Variants in FXYD1 observed in about 807,000 individuals in gnomAD.
FXYD1 encodes phospholemman.
FXYD1 carries 9 observed loss-of-function variants against 17.2 expected under a neutral mutation model. That is an observed-to-expected ratio of 0.52 (90% CI 0.32 to 0.91). The LOEUF (loss-of-function observed/expected upper bound fraction) is 0.91, where lower values mean the gene tolerates loss of function less well. Ranked by LOEUF, FXYD1 falls within the 40% of genes least tolerant of loss-of-function variation. FXYD1 has a pLI of 0.04. For synonymous variants in FXYD1, 55 were observed against 45.8 expected, an observed-to-expected ratio of 1.20 and a Z score of -0.81; for missense variants, 113 against 120.6, an observed-to-expected ratio of 0.94 and a Z score of 0.29.
chr19:35,140,072 C>A lies in FXYD1; in HGVS notation c.-4-4C>A, dbSNP rs775773700. Reference sequence around the variant, plus strand: ...CACTGCCTAATCCGTGGTGTCCCCCCCAGGACAATGGCGTCTCTTGGCCAC... The same window carrying A: ...CACTGCCTAATCCGTGGTGTCCCCCACAGGACAATGGCGTCTCTTGGCCAC... On this transcript the variant is annotated splice_polypyrimidine_tract_variant and splice_region_variant and intron_variant, in intron 1 of 7. Transcript: ENST00000351325. The A allele has an allele frequency of 1.2e-6, 2 of 1,612,788 alleles. No individual in the cohort carries two copies. Among genetic ancestry groups the A allele is most frequent in the East Asian group, 4.5e-5 (2 of 44,878 alleles).
chr19:35,142,245 C>T (rs2065263289), intron 5 of FXYD1: 2 of 467,044 alleles, frequency 4.3e-6, no homozygotes, highest in South Asian at 3.8e-5. Context: ...CACATCCCTG[C>T]CCCCAAATCC....
rs1422159120 is a variant in FXYD1, at chr19:35,141,516, C to T, written c.170-20C>T. 6.2e-7 allele frequency: 1 copy of T among 1,605,740 alleles called. No individual in the cohort carries two copies. Among genetic ancestry groups the T allele is most frequent in the Non-Finnish European group, 8.5e-7 (1 of 1,175,832 alleles). ...CGCCGGGAGGGAGCCTCAGCTTCTC[C>T]TACCTCTCCACGCCCACAGGCAGAA... On this transcript the variant is annotated intron_variant, in intron 4 of 7. Coordinates refer to ENST00000351325, the MANE Select transcript of FXYD1 (RefSeq NM_021902.4).
rs1219168734 is a variant in FXYD1, at chr19:35,140,636, G to T, written c.94+7G>T. 6.2e-7 allele frequency: 1 copy of T among 1,612,030 alleles called. No individual in the cohort carries two copies. Among genetic ancestry groups the T allele is most frequent in the South Asian group, 1.1e-5 (1 of 90,968 alleles). ...CACGACCCGTTCACTTACGGTGAGC[G>T]GGGGGTCTAATTTTGAGTCCTGGGG... On this transcript the variant is annotated splice_region_variant and intron_variant, in intron 3 of 7. Transcript: ENST00000351325.
At chr19:35,142,356 T>C in intron 5 of FXYD1, 116 bp from the exon 6 acceptor site, 1 of 770,356 alleles carries the variant, frequency 1.3e-6, no homozygotes, top group Non-Finnish European at 2.2e-6. Flanking sequence ...CTGCTCTTCG[T>C]CCATATCTGG....
intron 4 of FXYD1, 102 bp from the exon 5 acceptor site, chr19:35,141,434 T>C: frequency 2.5e-6 from 2 of 812,504 alleles, no homozygotes; most frequent in Non-Finnish European, 3.9e-6. Context: ...CCCCGCCCCG[T>C]CCCCCAAGCC....
intron 2 of FXYD1, among the ~76,000 whole-genome samples, 166 bp from the exon 3 acceptor site, chr19:35,140,431 C>G (rs918870378): frequency 1.3e-5 from 2 of 152,104 alleles, no homozygotes; most frequent in East Asian, 3.9e-4. Flanking sequence ...CCTGCCCCAT[C>G]TGGGACAGTG....
chr19:35,140,287 G>A (rs2145381471), intron 2 of FXYD1, 147 bp downstream of exon 2: 1 of 659,214 alleles, frequency 1.5e-6, no homozygotes, highest in East Asian at 2.6e-5. Flanking sequence ...CCAGTCACAG[G>A]CTGGTATTTG....
chr19:35,140,600 G>A lies in FXYD1; in HGVS notation c.65G>A (p.Ser22Asn). The change falls in exon 3 of 8, where the codon AGT becomes AAT. Residue 22 changes from serine to asparagine, a missense_variant. Transcript: ENST00000351325. ...VGLLTMAKAE[S>N]PKEHDPFTYD... is the part of the protein sequence containing the mutation. The stretch of plus-strand genomic sequence containing the variant: ...CCTGATTTCTCTCTCTTTCCAGAAA[G>A]TCCAAAGGAACACGACCCGTTCACT... 6.2e-7 allele frequency: 1 copy of A among 1,613,536 alleles called. No homozygotes were observed. Among genetic ancestry groups the A allele is most frequent in the Non-Finnish European group, 8.5e-7 (1 of 1,179,778 alleles).
chr19:35,140,576 C>G, intron 2 of FXYD1, 21 bp from the exon 3 acceptor site: 1 of 1,612,710 alleles, frequency 6.2e-7, no homozygotes, highest in South Asian at 1.1e-5. Context: ...CATTCAACCC[C>G]TGATTTCTCT....
intron 5 of FXYD1, chr19:35,142,251 A>G (rs932333114): frequency 1.8e-5 from 8 of 434,412 alleles, no homozygotes; most frequent in Middle Eastern, 3.9e-4. Context: ...CCTGCCCCCA[A>G]ATCCGCGGAG....
At chr19:35,142,569 A>G (rs775415071) in intron 6 of FXYD1, 48 bp downstream of exon 6, 22 of 1,586,828 alleles carry the variant, frequency 1.4e-5, no homozygotes, top group Non-Finnish European at 1.9e-5. Context: ...GCTGGTTCCA[A>G]GGACCGCTTT....
intron 3 of FXYD1, 185 bp downstream of exon 3, chr19:35,140,814 T>C: frequency 3.3e-6 from 2 of 608,818 alleles, no homozygotes; most frequent in Middle Eastern, 2.8e-4. Context: ...TCTGTGTCAC[T>C]GTCTATGTGA....
chr19:35,140,358 G>A (rs1235257461), intron 2 of FXYD1, among the ~76,000 whole-genome samples: 1 of 152,126 alleles, frequency 6.6e-6, no homozygotes, highest in Admixed American at 6.5e-5. Context: ...CTGAATCCCC[G>A]ATGGGATAAC....
chr19:35,141,554 A>G lies in FXYD1; in HGVS notation c.188A>G (p.Lys63Arg). Residue 63 changes from lysine to arginine, a missense_variant, in exon 5 of 8, where the codon AAG becomes AGG. By Grantham distance (26) the Lys-to-Arg change is conservative. Coordinates refer to ENST00000351325, the MANE Select transcript of FXYD1 (RefSeq NM_021902.4). ...LIVLSRRCRC[K>R]FNQQQRTGEP... is the part of the protein sequence containing the mutation. ...CCCACAGGCAGAAGATGCCGGTGCA[A>G]GTTCAACCAGCAGCAGAGGTAAGAC... is the stretch of plus-strand genomic sequence containing the variant. 6.2e-7 allele frequency: 1 copy of G among 1,610,680 alleles called. No individual in the cohort carries two copies. Among genetic ancestry groups the G allele is most frequent in the South Asian group, 1.1e-5 (1 of 90,696 alleles).
chr19:35,139,110 C>T (rs1336448116), intron 1 of FXYD1: 2 of 152,386 alleles, frequency 1.3e-5, no homozygotes, highest in African/African-American at 4.8e-5. Flanking sequence ...GGAGTTGGGA[C>T]ACACACGTGT....
intron 1 of FXYD1, chr19:35,139,558 T>C (rs2065230897): frequency 1.3e-5 from 2 of 156,374 alleles, no homozygotes; most frequent in Non-Finnish European, 2.8e-5. Flanking sequence ...GCTGTTGCCA[T>C]GGTGGCCTGA....
rs369430419 is a variant in FXYD1 at position 35,142,750 on chromosome 19, T to A, written c.*8T>A. The A allele has an allele frequency of 6.2e-7, 1 of 1,612,504 alleles. No homozygotes were observed. The highest frequency in any genetic ancestry group is 1.1e-5 in the South Asian group (1 of 90,938). On this transcript the variant is annotated 3_prime_UTR_variant, in exon 7 of 8. Transcript: ENST00000351325. The stretch of plus-strand genomic sequence containing the variant: ...TCCACCCGCAGGCGGTAGAAACACC[T>A]GGAGCGATGGAATCCGGCCAGGTGC...
chr19:35,140,270 G>A (rs2065239595), intron 2 of FXYD1, 130 bp downstream of exon 2: 6 of 685,096 alleles, frequency 8.8e-6, no homozygotes, highest in African/African-American at 1.8e-5. Context: ...GGGTCTCCAC[G>A]TGGGGTCCAG....
intron 4 of FXYD1, 127 bp from the exon 5 acceptor site, chr19:35,141,409 C>A (rs775245758): frequency 1.3e-6 from 1 of 792,748 alleles, no homozygotes. Flanking sequence ...CCCCGGCCCC[C>A]GGTCTCGCCT....
Sources: gnomAD v4.1 joint callset for allele counts (sites outside exome capture counted in the v4.1 genomes callset) on GRCh38, gnomAD v4.1.1 for gene constraint, MANE v1.5 for transcripts, NCBI Gene and HGNC (gene_info 2026-07-23, HGNC 2026-07-21) for gene names.